Variants in EXOC6 observed in about 807,000 individuals in gnomAD.
The protein encoded by EXOC6 is exocyst complex component 6.
EXOC6 carries 60 observed loss-of-function variants against 112.5 expected under a neutral mutation model. The observed-to-expected ratio is 0.53, with a 90% confidence interval of 0.43 to 0.66. The LOEUF (loss-of-function observed/expected upper bound fraction) is 0.66, where lower values mean the gene tolerates loss of function less well. Ranked by LOEUF, EXOC6 falls within the 30% of genes least tolerant of loss-of-function variation. EXOC6 has a pLI of 0.00. For missense variants in EXOC6, 855 were observed against 957.1 expected (o/e 0.89, Z 1.41); for synonymous variants, 295 against 308.0 (o/e 0.96, Z 0.44).
intron 1 of EXOC6, among the ~76,000 whole-genome samples, chr10:92,858,548 A>G (rs747580560): frequency 1.3e-5 from 2 of 151,968 alleles, no homozygotes; most frequent in Admixed American, 6.6e-5. Context: ...CCTCCAATGA[A>G]TTTTTCATTT....
intron 1 of EXOC6, among the ~76,000 whole-genome samples, chr10:92,885,230 G>A (rs532053958): frequency 4.6e-5 from 7 of 152,078 alleles, no homozygotes; most frequent in Admixed American, 4.6e-4. Context: ...GATAGAAAAT[G>A]TGTTTGATAC....
At chr10:92,840,667 C>A (rs1846814390) in intron 1 of EXOC6, among the ~76,000 whole-genome samples, 1 of 144,234 alleles carries the variant, frequency 6.9e-6, no homozygotes, top group African/African-American at 2.5e-5. Context: ...GAGTGTAGAA[C>A]TTTTTTTTTT....
intron 18 of EXOC6, among the ~76,000 whole-genome samples, chr10:92,985,993 C>T (rs1397163990): frequency 2.0e-5 from 3 of 150,998 alleles, no homozygotes; most frequent in East Asian, 3.9e-4. Flanking sequence ...ATATATATAT[C>T]CTTAAAAATT....
intron 20 of EXOC6, among the ~76,000 whole-genome samples, chr10:93,016,304 T>TA (rs1397556415): frequency 2.6e-5 from 4 of 151,848 alleles, no homozygotes; most frequent in African/African-American, 9.7e-5. Context: ...TGGCTCATTT[T>TA]TTTTTTTTGT....
At chr10:92,998,885 T>C (rs1564898501) in intron 19 of EXOC6, among the ~76,000 whole-genome samples, 4 of 152,310 alleles carry the variant, frequency 2.6e-5, no homozygotes, top group East Asian at 3.9e-4. Flanking sequence ...ATGTTTTAGT[T>C]TTTTGAGACA....
chr10:92,891,305 T>C (rs552344436), intron 1 of EXOC6, among the ~76,000 whole-genome samples: 8 of 152,222 alleles, frequency 5.3e-5, no homozygotes, highest in Admixed American at 6.5e-5. Context: ...GTCAGTGTGC[T>C]TATGGAATTT....
chr10:93,049,167 C>T (rs1469594724), intron 20 of EXOC6, among the ~76,000 whole-genome samples: 1 of 151,906 alleles, frequency 6.6e-6, no homozygotes, highest in East Asian at 1.9e-4. Flanking sequence ...ATGCCATTCT[C>T]CTGCCTCAGC....
chr10:92,957,847 T>C (rs1469808455), intron 17 of EXOC6, among the ~76,000 whole-genome samples: 1 of 152,238 alleles, frequency 6.6e-6, no homozygotes, highest in East Asian at 1.9e-4. Flanking sequence ...GTGAATAGTC[T>C]GTTACCTCTT....
chr10:92,834,531 G>A (rs578199145), upstream of EXOC6, among the ~76,000 whole-genome samples: 42 of 152,304 alleles, frequency 2.8e-4, no homozygotes, highest in African/African-American at 9.9e-4. Flanking sequence ...AGTGGAAACA[G>A]GACAGCAACA....
chr10:93,009,172 G>T (rs1288686721), intron 19 of EXOC6, among the ~76,000 whole-genome samples: 1 of 152,002 alleles, frequency 6.6e-6, no homozygotes, highest in African/African-American at 2.4e-5. Context: ...GAGCTGTGAT[G>T]GCACTCCAGT....
At chr10:92,876,240 C>G (rs1477081353) in intron 1 of EXOC6, among the ~76,000 whole-genome samples, 1 of 152,048 alleles carries the variant, frequency 6.6e-6, no homozygotes, top group Non-Finnish European at 1.5e-5. Flanking sequence ...ATTTCTTAGT[C>G]AAGATCTTCA....
chr10:92,837,595 C>G (rs929792869), intron 1 of EXOC6, among the ~76,000 whole-genome samples: 1 of 152,162 alleles, frequency 6.6e-6, no homozygotes, highest in African/African-American at 2.4e-5. Context: ...CCCAGGAAGT[C>G]AAGACTGCGG....
At chr10:92,871,545 G>A (rs1454817765) in intron 1 of EXOC6, among the ~76,000 whole-genome samples, 3 of 150,026 alleles carry the variant, frequency 2.0e-5, no homozygotes, top group African/African-American at 4.9e-5. Context: ...AGTGGCTCAC[G>A]CCTGTAATCC....
At chr10:92,996,324 T>C (rs573570024) in intron 18 of EXOC6, among the ~76,000 whole-genome samples, 2 of 152,332 alleles carry the variant, frequency 1.3e-5, no homozygotes, top group South Asian at 4.1e-4. Flanking sequence ...GTTTTTATAA[T>C]ATTTTAAACC....
chr10:92,901,013 T>C (rs1850136313), intron 5 of EXOC6: 1 of 152,196 alleles, frequency 6.6e-6, no homozygotes, highest in Non-Finnish European at 1.5e-5. Context: ...AGTTCTCTTG[T>C]AGACCAGGGC....
At chr10:93,001,643 C>CAA (rs1843761726) in intron 19 of EXOC6, among the ~76,000 whole-genome samples, 1 of 152,214 alleles carries the variant, frequency 6.6e-6, no homozygotes, top group Non-Finnish European at 1.5e-5. Context: ...TACGAAGGCA[C>CAA]ATAGCTTATC....
In EXOC6 at chr10:92,995,498, T is replaced by G. The variant is rs368205635; in HGVS notation, c.1954-1976T>G. 4.6e-5 allele frequency among the ~76,000 whole-genome samples: 7 copies of G among 152,328 alleles called. No homozygotes were observed. The East Asian group carries it at 9.6e-4, about 21-fold the overall frequency. On this transcript the variant is annotated intron_variant, in intron 18 of 21. Coordinates refer to ENST00000260762, the MANE Select transcript of EXOC6 (RefSeq NM_019053.6). ...GCATGCATAGGACATGGAGCTGATT[T>G]GATGGAGAAGCACATTAAACTAAAA...
intron 9 of EXOC6, among the ~76,000 whole-genome samples, chr10:92,933,817 G>A (rs1408184535): frequency 2.0e-5 from 3 of 152,050 alleles, no homozygotes; most frequent in Non-Finnish European, 2.9e-5. Flanking sequence ...ATTCTGGTAG[G>A]GGACAGGCTG....
At chr10:92,950,281 C>G (rs987477533) in intron 14 of EXOC6, among the ~76,000 whole-genome samples, 22 of 151,880 alleles carry the variant, frequency 1.4e-4, no homozygotes, top group Non-Finnish European at 3.2e-4. Flanking sequence ...ATATATAAAA[C>G]TATCAAATAA....
Sources: gnomAD v4.1 joint callset for allele counts (sites outside exome capture counted in the v4.1 genomes callset) on GRCh38, gnomAD v4.1.1 for gene constraint, MANE v1.5 for transcripts, NCBI Gene and HGNC (gene_info 2026-07-23, HGNC 2026-07-21) for gene names.